BMPR1B: variants seen among roughly 807,000 people sequenced by gnomAD.
The protein encoded by BMPR1B is bone morphogenetic protein receptor type 1B.
BMPR1B carries 12 observed loss-of-function variants against 59.1 expected under a neutral mutation model. That is an observed-to-expected ratio of 0.20 (90% CI 0.13 to 0.33). The LOEUF (loss-of-function observed/expected upper bound fraction) is 0.33. Among genes scored for constraint, BMPR1B ranks in the 10% least tolerant of loss-of-function variants. The pLI is 1.00. For synonymous variants in BMPR1B, 237 were observed against 207.3 expected (o/e 1.14, Z -1.23); for missense variants, 550 against 610.9 (o/e 0.90, Z 1.05).
chr4:94,997,564 TTG>T (rs1722145241), intron 3 of BMPR1B, among the ~76,000 whole-genome samples: 1 of 152,238 alleles, frequency 6.6e-6, no homozygotes, highest in Admixed American at 6.5e-5. Context: ...GCTAATCTAA[TTG>T]ATAGCTTAAA....
intron 3 of BMPR1B, among the ~76,000 whole-genome samples, chr4:95,020,619 A>G (rs17404327): frequency 2.0e-5 from 3 of 151,002 alleles, no homozygotes; most frequent in Non-Finnish European, 4.4e-5. Context: ...CAAAATGTTA[A>G]TGTTAATATT....
chr4:94,975,363 G>GTTT (rs763655134), intron 2 of BMPR1B, among the ~76,000 whole-genome samples: 12,757 of 111,142 alleles, frequency 0.11, 1,507 homozygotes, highest in East Asian at 0.38. Flanking sequence ...TTTTGTTTTT[G>GTTT]TTTTTTTTTT....
chr4:95,132,418 T>A (rs537581622), intron 10 of BMPR1B, among the ~76,000 whole-genome samples: 1 of 152,286 alleles, frequency 6.6e-6, no homozygotes, highest in South Asian at 2.1e-4. Context: ...TTGATTGGTA[T>A]TTTCGGCCAG....
chr4:94,989,578 A>G (rs980753864), intron 2 of BMPR1B, among the ~76,000 whole-genome samples: 1 of 152,188 alleles, frequency 6.6e-6, no homozygotes, highest in African/African-American at 2.4e-5. Flanking sequence ...TATCATAATC[A>G]TGAACAGAGA....
intron 1 of BMPR1B, among the ~76,000 whole-genome samples, chr4:94,845,343 CTTTTT>C (rs33971989): frequency 1.4e-5 from 2 of 142,466 alleles, no homozygotes; most frequent in Non-Finnish European, 1.5e-5. Flanking sequence ...CAAGGAAATT[CTTTTT>C]TTTTTTTTTT....
intron 3 of BMPR1B, among the ~76,000 whole-genome samples, chr4:95,093,794 A>T (rs73837202): frequency 0.043 from 6,591 of 152,192 alleles, 482 homozygotes; most frequent in African/African-American, 0.15. Context: ...ACACTCACAA[A>T]TATTTTATGA....
At chr4:95,093,600 T>G (rs923623206) in intron 3 of BMPR1B, among the ~76,000 whole-genome samples, 5 of 152,136 alleles carry the variant, frequency 3.3e-5, no homozygotes, top group Non-Finnish European at 7.4e-5. Flanking sequence ...ACTCTTCTTA[T>G]GTTTTTTTAT....
chr4:95,026,158 C>CTTTCTTTCTTTCT (rs1260196018), intron 3 of BMPR1B, among the ~76,000 whole-genome samples: 1 of 146,704 alleles, frequency 6.8e-6, no homozygotes, highest in Non-Finnish European at 1.5e-5. Flanking sequence ...TTCTTTCTTT[C>CTTTCTTTCTTTCT]TTTCTCTTTT....
intron 2 of BMPR1B, among the ~76,000 whole-genome samples, chr4:94,951,476 G>T (rs558770330): frequency 6.6e-6 from 1 of 152,248 alleles, no homozygotes; most frequent in Admixed American, 6.5e-5. Context: ...AGTGTTTTTA[G>T]CATGAAGCGC....
intron 1 of BMPR1B, among the ~76,000 whole-genome samples, chr4:94,849,907 T>C (rs1383051468): frequency 6.6e-6 from 1 of 152,044 alleles, no homozygotes; most frequent in Non-Finnish European, 1.5e-5. Context: ...TGCTCGGTGA[T>C]TTTCGTAGAC....
In BMPR1B at chr4:94,865,119, C is replaced by T. The variant is rs180739950; in HGVS notation, c.-182-10712C>T. The stretch of plus-strand genomic sequence containing the variant: ...CCACCTCCTGGGTTCAAGCAATTCT[C>T]CTGCCTCAGCCTCCCGAGTAGCTGG... On this transcript the variant is annotated intron_variant, in intron 1 of 12. Transcript: ENST00000515059. Among the ~76,000 whole-genome samples the T allele has an allele frequency of 1.5e-3, 221 of 151,906 alleles. 1 individual carries two copies. The highest frequency in any genetic ancestry group is 5.1e-3 in the African/African-American group (213 of 41,450).
chr4:95,001,124 G>A (rs1722415577), intron 3 of BMPR1B, among the ~76,000 whole-genome samples: 1 of 152,064 alleles, frequency 6.6e-6, no homozygotes, highest in Admixed American at 6.6e-5. Context: ...TTAAGCTCTA[G>A]GGTACATGTG....
In BMPR1B at chr4:95,156,948, G is replaced by T. The variant is rs1392563112; in HGVS notation, c.*2275G>T. 1 of 152,154 alleles carries T rather than the reference G, an allele frequency of 6.6e-6. No individual in the cohort carries two copies. The highest frequency in any genetic ancestry group is 2.1e-4 in the South Asian group (1 of 4,822). The allele number at this position is 152,154 out of a possible 1,614,324, so 9.4% of individuals were successfully genotyped here. A position where few individuals can be genotyped will look rare whatever the true frequency, so the allele number is the denominator to read the frequency against. On this transcript the variant is annotated 3_prime_UTR_variant, in exon 13 of 13. Coordinates refer to ENST00000515059, the MANE Select transcript of BMPR1B (RefSeq NM_001203.3). The stretch of plus-strand genomic sequence containing the variant: ...AGTGGGTCATGTTTTTGTTTCTTGG[G>T]TTTTTCCTAAATTTAAGTGAGGTTG...
chr4:94,833,192 C>G (rs1007479), intron 1 of BMPR1B, among the ~76,000 whole-genome samples: 18,321 of 132,916 alleles, frequency 0.14, 1,464 homozygotes, highest in Admixed American at 0.23. Flanking sequence ...GACTCTTTCT[C>G]AAAAAAAAAA....
At chr4:94,930,964 A>G (rs986009945) in intron 2 of BMPR1B, among the ~76,000 whole-genome samples, 17 of 152,112 alleles carry the variant, frequency 1.1e-4, no homozygotes, top group Non-Finnish European at 1.6e-4. Flanking sequence ...ACTAAGAAAA[A>G]AAAATAAGGC....
intron 3 of BMPR1B, among the ~76,000 whole-genome samples, chr4:94,996,544 AGGTG>A: frequency 6.6e-6 from 1 of 152,210 alleles, no homozygotes. Flanking sequence ...GAACGTATGA[AGGTG>A]CAGTAGTCAG....
At chr4:94,896,282 C>T (rs1047249650) in intron 2 of BMPR1B, among the ~76,000 whole-genome samples, 2 of 151,890 alleles carry the variant, frequency 1.3e-5, no homozygotes, top group Non-Finnish European at 2.9e-5. Flanking sequence ...CCCAAGAGTA[C>T]ATTATTTTTG....
At chr4:94,998,592 C>A (rs777513132) in intron 3 of BMPR1B, among the ~76,000 whole-genome samples, 2 of 152,010 alleles carry the variant, frequency 1.3e-5, no homozygotes, top group Non-Finnish European at 2.9e-5. Context: ...AGGCTGGTCT[C>A]AAACTCCTGA....
intron 2 of BMPR1B, among the ~76,000 whole-genome samples, chr4:94,947,130 A>G (rs1729748275): frequency 6.6e-6 from 1 of 152,208 alleles, no homozygotes; most frequent in South Asian, 2.1e-4. Flanking sequence ...ACCTAATTTT[A>G]GTAAAACGGA....
Sources: gnomAD v4.1 joint callset for allele counts (sites outside exome capture counted in the v4.1 genomes callset) on GRCh38, gnomAD v4.1.1 for gene constraint, MANE v1.5 for transcripts, NCBI Gene and HGNC (gene_info 2026-07-23, HGNC 2026-07-21) for gene names.